The following GRM8 variants were observed in gnomAD, a reference collection of about 807,000 sequenced individuals.
The protein encoded by GRM8 is glutamate metabotropic receptor 8.
GRM8 carries 47 observed loss-of-function variants against 87.2 expected under a neutral mutation model. The observed-to-expected ratio is 0.54, with a 90% CI of 0.43 to 0.69. The LOEUF is 0.69. GRM8 is among the 30% of genes least tolerant of loss of function. The pLI is 0.00. For synonymous variants in GRM8, 396 were observed against 404.5 expected (o/e 0.98, Z 0.25); for missense variants, 1,019 against 1,139.2 (o/e 0.89, Z 1.52).
At chr7:126,960,972 CAAATGTGA>C (rs1358267424) in intron 3 of GRM8, among the ~76,000 whole-genome samples, 1 of 152,110 alleles carries the variant, frequency 6.6e-6, no homozygotes, top group Non-Finnish European at 1.5e-5. Flanking sequence ...GACATATAAA[CAAATGTGA>C]TGCCCAGAAC....
intron 1 of GRM8, among the ~76,000 whole-genome samples, chr7:127,246,108 TA>T (rs1336041389): frequency 2.6e-5 from 4 of 152,356 alleles, no homozygotes; most frequent in African/African-American, 9.6e-5. Context: ...TACATTGTCA[TA>T]AAAATCAGAC....
At chr7:127,147,872 T>C (rs917479276) in intron 2 of GRM8, among the ~76,000 whole-genome samples, 2 of 152,080 alleles carry the variant, frequency 1.3e-5, no homozygotes, top group Non-Finnish European at 2.9e-5. Context: ...AAATAAAAAT[T>C]AGTATAGAAG....
At chr7:126,954,296 C>G (rs1291767364) in intron 3 of GRM8, among the ~76,000 whole-genome samples, 1 of 152,094 alleles carries the variant, frequency 6.6e-6, no homozygotes, top group African/African-American at 2.4e-5. Flanking sequence ...TTGCCAGTCA[C>G]GGGGACATGA....
intron 8 of GRM8, among the ~76,000 whole-genome samples, chr7:126,556,749 T>G (rs2150946785): frequency 6.6e-6 from 1 of 152,196 alleles, no homozygotes; most frequent in East Asian, 1.9e-4. Flanking sequence ...TTCAGATTAT[T>G]TATTTTAAAA....
chr7:126,905,668 T>G (rs1802603800), intron 3 of GRM8, among the ~76,000 whole-genome samples: 1 of 152,172 alleles, frequency 6.6e-6, no homozygotes, highest in South Asian at 2.1e-4. Context: ...CGCACTGGGC[T>G]CAACATTGGA....
At chr7:126,876,879 G>A (rs1403304837) in intron 6 of GRM8, among the ~76,000 whole-genome samples, 6 of 151,660 alleles carry the variant, frequency 4.0e-5, no homozygotes, top group Admixed American at 3.3e-4. Context: ...TACAGTACTT[G>A]CTGAGACTAA....
At chr7:126,777,601 A>G (rs1314059170) in intron 6 of GRM8, among the ~76,000 whole-genome samples, 1 of 152,180 alleles carries the variant, frequency 6.6e-6, no homozygotes, top group Non-Finnish European at 1.5e-5. Flanking sequence ...TAATGTGTTC[A>G]TGCACTTGTG....
intron 8 of GRM8, among the ~76,000 whole-genome samples, chr7:126,595,725 C>T (rs760611330): frequency 8.6e-5 from 13 of 152,040 alleles, no homozygotes; most frequent in Non-Finnish European, 1.8e-4. Flanking sequence ...ATGATGTATA[C>T]GTACCACATT....
At position 126,719,853 on chromosome 7, in the gene GRM8, A is replaced by G. The variant is rs76735527; in HGVS notation, c.1357+50012T>C. ...TTTAAAAGATAGTCTTTAGTCTTGA[A>G]AAAAAAAAAAAAGAAATACAAGGTA... On this transcript the variant is annotated intron_variant, in intron 7 of 10. Transcript: ENST00000339582. 3.1e-3 allele frequency among the ~76,000 whole-genome samples: 257 copies of G among 83,638 alleles called. 1 individual carries two copies. The highest frequency in any genetic ancestry group is 4.8e-3 in the Non-Finnish European group (195 of 41,030). 54.9% of individuals were successfully genotyped at this position (83,638 alleles called of 152,430 possible). A position where few individuals can be genotyped will look rare whatever the true frequency, so the allele number is the denominator to read the frequency against.
intron 8 of GRM8, among the ~76,000 whole-genome samples, chr7:126,577,242 T>A (rs1055797903): frequency 1.2e-4 from 18 of 152,196 alleles, no homozygotes; most frequent in Non-Finnish European, 2.1e-4. Context: ...GGTATCTCGT[T>A]TCTTAACATA....
At chr7:126,706,250 T>C (rs973382987) in intron 7 of GRM8, among the ~76,000 whole-genome samples, 8 of 152,158 alleles carry the variant, frequency 5.3e-5, no homozygotes, top group African/African-American at 1.9e-4. Context: ...TTCCTTATAA[T>C]AAATACAATT....
intron 9 of GRM8, among the ~76,000 whole-genome samples, chr7:126,497,125 C>T (rs71576281): frequency 6.6e-5 from 10 of 151,594 alleles, no homozygotes; most frequent in African/African-American, 2.2e-4. Flanking sequence ...CCAATTTCAG[C>T]GTGTGGATAG....
chr7:127,203,543 A>G (rs970346141), intron 2 of GRM8, among the ~76,000 whole-genome samples: 8 of 152,178 alleles, frequency 5.3e-5, no homozygotes, highest in Non-Finnish European at 1.2e-4. Context: ...CCCTGTCTAC[A>G]CTAAAAATAC....
intron 8 of GRM8, among the ~76,000 whole-genome samples, chr7:126,598,969 T>A (rs1279629061): frequency 6.6e-6 from 1 of 152,094 alleles, no homozygotes; most frequent in African/African-American, 2.4e-5. Context: ...TTTATCTAGG[T>A]ATGAAAACCT....
intron 9 of GRM8, among the ~76,000 whole-genome samples, chr7:126,453,070 AACACACAC>A (rs71177555): frequency 0.043 from 6,316 of 145,980 alleles, 300 homozygotes; most frequent in African/African-American, 0.12. Flanking sequence ...TTATAGCAGA[AACACACAC>A]ACACACACAC....
intron 9 of GRM8, among the ~76,000 whole-genome samples, chr7:126,466,429 TC>T (rs1290761909): frequency 1.3e-5 from 2 of 151,948 alleles, no homozygotes; most frequent in African/African-American, 2.4e-5. Context: ...GAAGTAGAAT[TC>T]TTGATTCTGT....
chr7:127,183,572 T>A (rs1374520231), intron 2 of GRM8, among the ~76,000 whole-genome samples: 11 of 151,576 alleles, frequency 7.3e-5, no homozygotes, highest in African/African-American at 2.7e-4. Context: ...TAAATGCATA[T>A]GTTAGAAAAG....
At chr7:126,903,441 A>G (rs1381955131) in intron 5 of GRM8, among the ~76,000 whole-genome samples, 1 of 151,752 alleles carries the variant, frequency 6.6e-6, no homozygotes, top group Non-Finnish European at 1.5e-5. Context: ...CAATGCTATA[A>G]CCACCATAAA....
intron 6 of GRM8, among the ~76,000 whole-genome samples, chr7:126,812,988 T>C (rs1256288471): frequency 6.6e-6 from 1 of 152,002 alleles, no homozygotes; most frequent in East Asian, 1.9e-4. Flanking sequence ...AACATTTACC[T>C]GTATGTGTTT....
Sources: gnomAD v4.1 joint callset for allele counts (sites outside exome capture counted in the v4.1 genomes callset) on GRCh38, gnomAD v4.1.1 for gene constraint, MANE v1.5 for transcripts, NCBI Gene and HGNC (gene_info 2026-07-23, HGNC 2026-07-21) for gene names.